Variants in GANAB observed in about 807,000 individuals in gnomAD.
GANAB encodes the protein neutral alpha-glucosidase AB.
A neutral mutation model predicts 129.9 loss-of-function variants in GANAB; 35 were observed. The observed-to-expected ratio is 0.27, with a 90% CI of 0.21 to 0.36. The LOEUF (loss-of-function observed/expected upper bound fraction) is 0.36. GANAB is among the 10% of genes least tolerant of loss of function. GANAB has a pLI of 1.00. For synonymous variants in GANAB, 482 were observed against 451.8 expected, an observed-to-expected ratio of 1.07 and a Z score of -0.85; for missense variants, 939 against 1,221.0, an observed-to-expected ratio of 0.77 and a Z score of 3.44.
At position 62,629,655 on chromosome 11, in the gene GANAB, C is replaced by T. The variant is rs774850686; in HGVS notation, c.1767G>A (p.Gln589=). The change falls in exon 15 of 24, where the codon CAG becomes CAA. Residue 589 remains glutamine, a synonymous_variant. Coordinates refer to ENST00000356638, the MANE Select transcript of GANAB (RefSeq NM_198334.3). ...VHMATADGLR[Q]RSGGMERPFV... The stretch of plus-strand genomic sequence containing the variant: ...AGGGGCGTTCCATGCCCCCAGAGCG[C>T]TGTCTCAGCCCATCAGCAGTCGCCA... 9.3e-6 allele frequency: 15 copies of T among 1,613,600 alleles called. No individual in the cohort carries two copies. The Middle Eastern group carries it at 6.7e-4, about 72-fold the overall frequency.
intron 4 of GANAB, among the ~76,000 whole-genome samples, chr11:62,638,066 A>G (rs997982378): frequency 6.6e-6 from 1 of 152,212 alleles, no homozygotes; most frequent in African/African-American, 2.4e-5. Flanking sequence ...AAAAAAAGGC[A>G]AAGGAAGGAT....
At chr11:62,632,237 G>A (rs1590804870) in intron 9 of GANAB, among the ~76,000 whole-genome samples, 1 of 152,064 alleles carries the variant, frequency 6.6e-6, no homozygotes, top group Non-Finnish European at 1.5e-5. Flanking sequence ...GCCTCCCAAA[G>A]TGCTGGGATT....
intron 1 of GANAB, among the ~76,000 whole-genome samples, chr11:62,641,430 G>C (rs1483770468): frequency 6.6e-6 from 1 of 150,504 alleles, no homozygotes; most frequent in Non-Finnish European, 1.5e-5. Context: ...TAGGCAGCCT[G>C]TTTCTCTGAT....
intron 19 of GANAB, 49 bp downstream of exon 19, chr11:62,626,999 C>G: frequency 1.3e-6 from 2 of 1,587,172 alleles, no homozygotes; most frequent in Non-Finnish European, 1.7e-6. Flanking sequence ...TCCTGTTTGC[C>G]TCCTTTGGCT....
chr11:62,626,470 G>T, intron 21 of GANAB, 23 bp from the exon 22 acceptor site: 1 of 1,553,882 alleles, frequency 6.4e-7, no homozygotes, highest in Non-Finnish European at 8.9e-7. Context: ...TGGGATAGGT[G>T]AGCGCCTGAG....
chr11:62,626,439 A>G lies in GANAB; in HGVS notation c.2520T>C (p.Ala840=). Residue 840 remains alanine (A), a synonymous_variant, in exon 22 of 24, where the codon GCT becomes GCC. Transcript: ENST00000356638. ...LFVALSPQGT[A]QGELFLDDGH... is the part of the protein sequence containing the mutation. ...CATCATCCAGAAAGAGCTCTCCTTGAGCTGTACCCTGAGCAAGAAGTGGGA... is the reference window on the plus strand; with the variant it reads ...CATCATCCAGAAAGAGCTCTCCTTGGGCTGTACCCTGAGCAAGAAGTGGGA... The G allele has an allele frequency of 6.2e-7, 1 of 1,609,022 alleles. No individual in the cohort carries two copies. Among genetic ancestry groups the G allele is most frequent in the Non-Finnish European group, 8.5e-7 (1 of 1,175,408 alleles).
intron 19 of GANAB, 27 bp from the exon 20 acceptor site, chr11:62,626,961 C>T (rs774004006): frequency 6.3e-7 from 1 of 1,591,778 alleles, no homozygotes; most frequent in South Asian, 1.1e-5. Flanking sequence ...AGGTAAGATA[C>T]CGGATCACTC....
Position 62,644,236 on chromosome 11 carries a change from G to A in GANAB, c.38+2326C>T, listed in dbSNP as rs114386332. Among the ~76,000 whole-genome samples the A allele has an allele frequency of 9.5e-3, 1,453 of 152,194 alleles. 19 individuals carry two copies. Among genetic ancestry groups the A allele is most frequent in the African/African-American group, 0.031 (1,292 of 41,542 alleles). ...TGGGATTACAGGTGTGAGCCATCGTGCCCGGCTGACACCACATTTTAAACA... is the reference window on the plus strand; with the variant it reads ...TGGGATTACAGGTGTGAGCCATCGTACCCGGCTGACACCACATTTTAAACA... On this transcript the variant is annotated intron_variant, in intron 1 of 23. Transcript: ENST00000356638.
rs374520796 is a variant in GANAB at position 62,634,293 on chromosome 11, G to A, written c.560+528C>T. On this transcript the variant is annotated intron_variant, in intron 5 of 23. Coordinates refer to ENST00000356638, the MANE Select transcript of GANAB (RefSeq NM_198334.3). ...AGGGCAGAGGAACAGATACAGTACCGGTGGCCATGGATTTACCTAGAGAAA... is the reference window on the plus strand; with the variant it reads ...AGGGCAGAGGAACAGATACAGTACCAGTGGCCATGGATTTACCTAGAGAAA... The A allele has an allele frequency of 1.6e-5, 25 of 1,532,068 alleles. No homozygotes were observed. Among genetic ancestry groups the A allele is most frequent in the East Asian group, 1.3e-4 (6 of 44,522 alleles). 94.9% of individuals were successfully genotyped at this position (1,532,068 alleles called of 1,614,324 possible).
At chr11:62,629,099 C>T in intron 16 of GANAB, 87 bp from the exon 17 acceptor site, 1 of 1,549,680 alleles carries the variant, frequency 6.5e-7, no homozygotes, top group Non-Finnish European at 8.9e-7. Flanking sequence ...CTAACTTGGA[C>T]TCTCAACTCT....
In GANAB at chr11:62,624,954, A is replaced by AC; in HGVS notation, c.*860dup. 3.4e-5 allele frequency: 1 copy of AC among 29,488 alleles called. No individual in the cohort carries two copies. Among genetic ancestry groups the AC allele is most frequent in the Non-Finnish European group, 7.1e-5 (1 of 14,062 alleles). The allele number at this position is 29,488 out of a possible 1,614,324, so 1.8% of individuals were successfully genotyped here. ...CCCATTAGTCCTCCCCCAACCCCCC[A>AC]CCCAGGGCTTCCAGCCAACCCCGAG... is the stretch of plus-strand genomic sequence containing the variant. On this transcript the variant is annotated 3_prime_UTR_variant, in exon 24 of 24. Transcript: ENST00000356638.
chr11:62,634,775 T>C (rs1235664212), intron 5 of GANAB, 46 bp downstream of exon 5: 2 of 1,499,508 alleles, frequency 1.3e-6, no homozygotes, highest in African/African-American at 1.4e-5. Flanking sequence ...AACACCCCTA[T>C]GCTCTTTCAC....
rs772866333 is a variant in GANAB, at chr11:62,633,486, C to T, written c.589G>A (p.Asp197Asn). ...SQGSKDPAEG[D>N]GAQPEETPRD... ...GGTGTTTCCTCAGGCTGGGCCCCAT[C>T]GCCCTCAGCTGGGTCTTTTGATCCT... The change falls in exon 6 of 24, where the codon GAT (aspartate) becomes AAT (asparagine). Residue 197 changes from aspartate to asparagine, a missense_variant. Around this residue, in one of 5 missense-constraint regions of GANAB, gnomAD observed 321 missense variants for 329.1 expected, o/e 0.98. Coordinates refer to ENST00000356638, the MANE Select transcript of GANAB (RefSeq NM_198334.3). 55 of 1,613,886 alleles carry T rather than the reference C, an allele frequency of 3.4e-5. No individual in the cohort carries two copies. Among genetic ancestry groups the T allele is most frequent in the Middle Eastern group, 1.7e-4 (1 of 6,006 alleles).
rs192571185 is a variant in GANAB at position 62,638,673 on chromosome 11, T to C, written c.380+310A>G. Among the ~76,000 whole-genome samples, 445 of 151,612 alleles carry C rather than the reference T, an allele frequency of 2.9e-3. 3 individuals are homozygous for C. The highest frequency in any genetic ancestry group is 4.8e-3 in the Non-Finnish European group (327 of 67,904). ...AAGCAAACAAGCAAGCAGGTAGACA[T>C]TGTATTCCTGGAGAACGAGATCTGT... On this transcript the variant is annotated intron_variant, in intron 4 of 23. Transcript: ENST00000356638.
intron 4 of GANAB, 83 bp downstream of exon 4, chr11:62,638,900 G>GA (rs1944088724): frequency 1.4e-6 from 2 of 1,421,964 alleles, no homozygotes; most frequent in Non-Finnish European, 2.0e-6. Context: ...CTTATTTTGG[G>GA]AAAGAATATC....
chr11:62,646,332 G>A (rs1944480971), intron 1 of GANAB, among the ~76,000 whole-genome samples: 1 of 152,256 alleles, frequency 6.6e-6, no homozygotes, highest in Non-Finnish European at 1.5e-5. Context: ...CACAGCTGTG[G>A]CTTTACTAAA....
intron 1 of GANAB, among the ~76,000 whole-genome samples, chr11:62,645,463 G>T (rs1279672011): frequency 2.6e-5 from 4 of 151,044 alleles, no homozygotes; most frequent in Non-Finnish European, 5.9e-5. Flanking sequence ...GTGAACCCAG[G>T]AGGCGGAGCT....
rs755226083 is a variant in GANAB, at chr11:62,639,381, T to C, written c.230A>G (p.His77Arg). Reference sequence around the variant, plus strand: ...GACCTTGGTGACCTCATGGATCAGATGGACCGTGAGGGAATCAGGACCAAG... The same window carrying C: ...GACCTTGGTGACCTCATGGATCAGACGGACCGTGAGGGAATCAGGACCAAG... Reference protein sequence around the residue: ...LQLGPDSLTVHLIHEVTKVLL... With the variant: ...LQLGPDSLTVRLIHEVTKVLL... Residue 77 changes from histidine (H) to arginine (R), a missense_variant, in exon 3 of 24, where the codon CAT (histidine) becomes CGT (arginine). By Grantham distance (29) the His-to-Arg change is conservative (BLOSUM62 0). Transcript: ENST00000356638. 7 of 1,611,448 alleles carry C rather than the reference T, an allele frequency of 4.3e-6. No homozygotes were observed. The South Asian group carries it at 5.5e-5, about 13-fold the overall frequency.
chr11:62,636,250 C>T (rs1026860680), intron 4 of GANAB, among the ~76,000 whole-genome samples: 4 of 151,984 alleles, frequency 2.6e-5, no homozygotes, highest in African/African-American at 9.7e-5. Context: ...CTTGGCCTCT[C>T]GAAGTGCTGG....
Sources: gnomAD v4.1 joint callset for allele counts (sites outside exome capture counted in the v4.1 genomes callset) on GRCh38, gnomAD v4.1.1 for gene constraint, gnomAD v4.1.1 regional missense constraint, MANE v1.5 for transcripts, NCBI Gene and HGNC (gene_info 2026-07-23, HGNC 2026-07-21) for gene names.